CARMIL1: variants seen among roughly 807,000 people sequenced by gnomAD.
The protein encoded by CARMIL1 is capping protein regulator and myosin 1 linker 1.
A neutral mutation model predicts 177.1 loss-of-function variants in CARMIL1; 90 were observed. The observed-to-expected ratio is 0.51, with a 90% CI of 0.43 to 0.61. CARMIL1 has a LOEUF of 0.61. Among genes scored for constraint, CARMIL1 ranks in the 20% least tolerant of loss-of-function variants. The pLI is 0.00. For synonymous variants in CARMIL1, 577 were observed against 606.2 expected (o/e 0.95, Z 0.71); for missense variants, 1,380 against 1,667.0 (o/e 0.83, Z 3.00).
In CARMIL1 at chr6:25,353,937, A is replaced by G. The variant is rs1788335207; in HGVS notation, c.139-66177A>G. 2.6e-5 allele frequency among the ~76,000 whole-genome samples: 4 copies of G among 152,200 alleles called. No individual in the cohort carries two copies. In the South Asian group the frequency reaches 8.3e-4, roughly 32 times the overall value. On this transcript the variant is annotated intron_variant, in intron 2 of 36. Transcript: ENST00000329474. ...CTGCAGGGGACATTTGGCAGTGTCT[A>G]GAGACAGATATTTTGGATTTTCACA...
chr6:25,285,398 T>C (rs1276073409), intron 2 of CARMIL1, among the ~76,000 whole-genome samples: 1 of 152,180 alleles, frequency 6.6e-6, no homozygotes, highest in East Asian at 1.9e-4. Flanking sequence ...TGTTGGTGCT[T>C]TGGAGGGAAA....
intron 8 of CARMIL1, among the ~76,000 whole-genome samples, chr6:25,457,786 A>T (rs1799676288): frequency 2.0e-5 from 3 of 152,186 alleles, no homozygotes; most frequent in African/African-American, 7.2e-5. Context: ...GATTTGTGAG[A>T]GGGAAATCTT....
chr6:25,450,188 A>G (rs1798651371), intron 6 of CARMIL1, 151 bp from the exon 7 acceptor site: 4 of 720,052 alleles, frequency 5.6e-6, no homozygotes, highest in African/African-American at 1.8e-5. Context: ...TGTACTTACT[A>G]TAGAACAGGG....
chr6:25,390,241 A>AT (rs1398924377), intron 2 of CARMIL1, among the ~76,000 whole-genome samples: 3 of 147,836 alleles, frequency 2.0e-5, no homozygotes, highest in Non-Finnish European at 4.5e-5. Flanking sequence ...TTACCTGGTA[A>AT]TTTTTTAAAA....
chr6:25,506,663 T>G (rs1339734860), intron 17 of CARMIL1, among the ~76,000 whole-genome samples: 1 of 152,256 alleles, frequency 6.6e-6, no homozygotes, highest in Non-Finnish European at 1.5e-5. Context: ...CTGGATGTTG[T>G]CTAATCATGT....
intron 24 of CARMIL1, among the ~76,000 whole-genome samples, chr6:25,533,266 CCTT>C (rs898177409): frequency 1.3e-5 from 2 of 152,120 alleles, no homozygotes; most frequent in African/African-American, 2.4e-5. Context: ...GGCCTTTTCT[CCTT>C]CTTCATCTCT....
Position 25,536,727 on chromosome 6 carries a change from T to C in CARMIL1, c.2068-1128T>C, listed in dbSNP as rs532187386. Among the ~76,000 whole-genome samples, 44 of 152,326 alleles carry C rather than the reference T, an allele frequency of 2.9e-4. No homozygotes were observed. The South Asian group carries it at 7.7e-3, about 27-fold the overall frequency. On this transcript the variant is annotated intron_variant, in intron 24 of 36. Coordinates refer to ENST00000329474, the MANE Select transcript of CARMIL1 (RefSeq NM_017640.6). ...ATCAGACCTGAAGTCTTCGGAATAG[T>C]GTGTAAAGTCTCTATCATTTTGAAA...
At chr6:25,357,903 TCA>T (rs1491503832) in intron 2 of CARMIL1, among the ~76,000 whole-genome samples, 1 of 152,202 alleles carries the variant, frequency 6.6e-6, no homozygotes. Context: ...TGTGATTATC[TCA>T]GAGTTTGAAA....
intron 3 of CARMIL1, among the ~76,000 whole-genome samples, chr6:25,424,340 TTTG>T (rs1796115136): frequency 1.3e-5 from 2 of 152,214 alleles, no homozygotes; most frequent in South Asian, 4.1e-4. Context: ...TCCCCAGCAC[TTTG>T]TTGTTCTACT....
chr6:25,376,054 A>C (rs1174138630), intron 2 of CARMIL1, among the ~76,000 whole-genome samples: 2 of 152,126 alleles, frequency 1.3e-5, no homozygotes, highest in African/African-American at 4.8e-5. Flanking sequence ...GTTGTTATAG[A>C]ACCCCGTTTT....
At chr6:25,545,291 C>T (rs1398255963) in intron 26 of CARMIL1, among the ~76,000 whole-genome samples, 2 of 152,078 alleles carry the variant, frequency 1.3e-5, no homozygotes, top group African/African-American at 4.8e-5. Flanking sequence ...AGTTCCAAGC[C>T]AGAATTGAAT....
At chr6:25,409,358 T>G (rs1222641758) in intron 2 of CARMIL1, among the ~76,000 whole-genome samples, 30 of 152,202 alleles carry the variant, frequency 2.0e-4, no homozygotes, top group Non-Finnish European at 1.5e-5. Context: ...GGACAATTAT[T>G]ATGGCTCCTT....
rs200988952 is a variant in CARMIL1, at chr6:25,465,885, T to C, written c.627T>C (p.Pro209=). 15 of 1,610,976 alleles carry C rather than the reference T, an allele frequency of 9.3e-6. No homozygotes were observed. Among genetic ancestry groups the C allele is most frequent in the Non-Finnish European group, 1.3e-5 (15 of 1,177,376 alleles). Residue 209 remains proline (P), a synonymous_variant, in exon 9 of 37, where the codon CCT becomes CCC. Transcript: ENST00000329474. The part of the protein sequence containing the change: ...FSHLDHRDLI[P]IIAALEYNQW... ...TTTCTGCTTCCAGGGACCTAATACCTATCATTGCTGCTCTGGAATATAATC... is the reference window on the plus strand; with the variant it reads ...TTTCTGCTTCCAGGGACCTAATACCCATCATTGCTGCTCTGGAATATAATC...
chr6:25,307,045 A>AT (rs1405850528), intron 2 of CARMIL1, among the ~76,000 whole-genome samples: 1 of 151,668 alleles, frequency 6.6e-6, no homozygotes, highest in Admixed American at 6.6e-5. Flanking sequence ...CGCCTGGCTA[A>AT]TTTTTTTGTA....
At chr6:25,425,331 C>G (rs1213336731) in intron 3 of CARMIL1, among the ~76,000 whole-genome samples, 1 of 152,100 alleles carries the variant, frequency 6.6e-6, no homozygotes, top group Non-Finnish European at 1.5e-5. Context: ...GGGTTTTCTG[C>G]CCAGTATTTA....
chr6:25,289,636 A>C (rs1339855457), intron 2 of CARMIL1, among the ~76,000 whole-genome samples: 1 of 152,216 alleles, frequency 6.6e-6, no homozygotes, highest in Non-Finnish European at 1.5e-5. Context: ...GTAGCCACTA[A>C]TCTGTTCTCC....
At chr6:25,388,775 T>G (rs945962244) in intron 2 of CARMIL1, among the ~76,000 whole-genome samples, 2 of 152,060 alleles carry the variant, frequency 1.3e-5, no homozygotes, top group Non-Finnish European at 1.5e-5. Context: ...GCTCAAACAA[T>G]CCTTTCACCC....
At chr6:25,451,553 A>G (rs1454029374) in intron 8 of CARMIL1, among the ~76,000 whole-genome samples, 2 of 152,310 alleles carry the variant, frequency 1.3e-5, no homozygotes, top group East Asian at 3.9e-4. Context: ...CTTGACTTGA[A>G]TATATTTAGG....
intron 2 of CARMIL1, among the ~76,000 whole-genome samples, chr6:25,331,152 C>T (rs916575223): frequency 6.6e-6 from 1 of 152,300 alleles, no homozygotes; most frequent in African/African-American, 2.4e-5. Flanking sequence ...TACTCTGGGA[C>T]TAGTTGACTC....
Sources: gnomAD v4.1 joint callset for allele counts (sites outside exome capture counted in the v4.1 genomes callset) on GRCh38, gnomAD v4.1.1 for gene constraint, MANE v1.5 for transcripts, NCBI Gene and HGNC (gene_info 2026-07-23, HGNC 2026-07-21) for gene names.